The following PSMA1 variants were observed in gnomAD, a reference collection of about 807,000 sequenced individuals.
PSMA1 encodes proteasome subunit alpha type-1.
Under a neutral mutation model 38.4 loss-of-function variants are expected in PSMA1, and 3 were observed. That is an observed-to-expected ratio of 0.08 (90% CI 0.04 to 0.20). The LOEUF is 0.20. Ranked by LOEUF, PSMA1 falls within the 10% of genes least tolerant of loss-of-function variation. The probability of loss-of-function intolerance (pLI) is 1.00; values close to 1 mark genes in which losing one functional copy is unlikely to be tolerated. For missense variants in PSMA1, 227 were observed against 325.3 expected (o/e 0.70, Z 2.32); for synonymous variants, 101 against 107.1 (o/e 0.94, Z 0.35).
intron 2 of PSMA1, among the ~76,000 whole-genome samples, chr11:14,539,803 T>A (rs1357684934): frequency 1.3e-5 from 2 of 151,506 alleles, no homozygotes; most frequent in Non-Finnish European, 2.9e-5. Context: ...GAGCCGAGAT[T>A]GCGCCACTGC....
intron 2 of PSMA1, among the ~76,000 whole-genome samples, chr11:14,585,652 A>G (rs975199279): frequency 1.3e-5 from 2 of 152,174 alleles, no homozygotes; most frequent in Admixed American, 6.5e-5. Flanking sequence ...TGGAGGCCTC[A>G]TCTCTGATAG....
chr11:14,537,749 C>T (rs896776530), intron 2 of PSMA1, among the ~76,000 whole-genome samples: 1 of 147,318 alleles, frequency 6.8e-6, no homozygotes, highest in African/African-American at 2.5e-5. Context: ...CACTTTGTCA[C>T]CCAGGCTGGA....
intron 2 of PSMA1, among the ~76,000 whole-genome samples, chr11:14,585,631 A>G (rs1478199510): frequency 6.6e-6 from 1 of 152,184 alleles, no homozygotes; most frequent in Non-Finnish European, 1.5e-5. Context: ...AAAGCACATA[A>G]AAGTCTAGCC....
At chr11:14,520,531 T>A (rs1463356156), upstream of PSMA1, 2 of 1,389,120 alleles carry the variant, frequency 1.4e-6, no homozygotes, top group Non-Finnish European at 1.9e-6. Flanking sequence ...GAACTGAGAC[T>A]GGCGGGAAAA....
At chr11:14,544,274 C>G (rs555723304) in intron 2 of PSMA1, among the ~76,000 whole-genome samples, 8 of 152,198 alleles carry the variant, frequency 5.3e-5, no homozygotes, top group African/African-American at 1.7e-4. Context: ...GCTCAAGCAA[C>G]CCGCCCGCCT....
intron 1 of PSMA1, among the ~76,000 whole-genome samples, chr11:14,627,505 C>T (rs1852928249): frequency 6.6e-6 from 1 of 152,160 alleles, no homozygotes; most frequent in African/African-American, 2.4e-5. Context: ...TAACGGAAAG[C>T]ACATAGAGCT....
intron 2 of PSMA1, among the ~76,000 whole-genome samples, chr11:14,530,590 G>C (rs555811421): frequency 6.6e-6 from 1 of 152,092 alleles, no homozygotes; most frequent in African/African-American, 2.4e-5. Flanking sequence ...ACACTGACTC[G>C]ATGCTCAATA....
chr11:14,564,750 A>G (rs555831743), intron 2 of PSMA1, among the ~76,000 whole-genome samples: 1 of 151,442 alleles, frequency 6.6e-6, no homozygotes, highest in Non-Finnish European at 1.5e-5. Context: ...AATTTCTTTA[A>G]TAGTTATAGT....
chr11:14,530,888 CAA>C, intron 2 of PSMA1, among the ~76,000 whole-genome samples: 1 of 100,524 alleles, frequency 9.9e-6, no homozygotes, highest in East Asian at 2.9e-4. Flanking sequence ...GGCGACAGGT[CAA>C]GACTCCGTCT....
chr11:14,508,412 T>C (rs1346078207), intron 8 of PSMA1, among the ~76,000 whole-genome samples: 1 of 152,080 alleles, frequency 6.6e-6, no homozygotes, highest in African/African-American at 2.4e-5. Context: ...GACATTGTTC[T>C]AACAATTTTC....
At chr11:14,551,295 T>G (rs1851881168) in intron 2 of PSMA1, among the ~76,000 whole-genome samples, 1 of 152,194 alleles carries the variant, frequency 6.6e-6, no homozygotes, top group South Asian at 2.1e-4. Context: ...ACAGGAAGGC[T>G]AACCCAAAAG....
chr11:14,606,932 C>G (rs1294407076), intron 2 of PSMA1, among the ~76,000 whole-genome samples: 4 of 152,172 alleles, frequency 2.6e-5, no homozygotes, highest in Non-Finnish European at 4.4e-5. Context: ...CACATAGCCC[C>G]AGGCATACAG....
intron 2 of PSMA1, among the ~76,000 whole-genome samples, chr11:14,595,491 C>G (rs924679371): frequency 2.6e-5 from 4 of 152,236 alleles, no homozygotes; most frequent in Non-Finnish European, 4.4e-5. Flanking sequence ...ATTTGCATTT[C>G]TCTGATGACC....
chr11:14,596,680 T>C (rs1405229780), intron 2 of PSMA1, among the ~76,000 whole-genome samples: 1 of 152,244 alleles, frequency 6.6e-6, no homozygotes, highest in African/African-American at 2.4e-5. Context: ...TACAATCATG[T>C]CATCTGCAAA....
chr11:14,561,871 C>CTA (rs1852013917), intron 2 of PSMA1, among the ~76,000 whole-genome samples: 1 of 148,216 alleles, frequency 6.7e-6, no homozygotes, highest in African/African-American at 2.5e-5. Context: ...AAACTATAAA[C>CTA]TAAACGAAAT....
chr11:14,587,032 T>C (rs182164191), intron 2 of PSMA1, among the ~76,000 whole-genome samples: 2 of 152,316 alleles, frequency 1.3e-5, no homozygotes, highest in East Asian at 3.9e-4. Flanking sequence ...TCTCTTTCTT[T>C]TGAATTTACT....
intron 1 of PSMA1, among the ~76,000 whole-genome samples, chr11:14,633,844 G>A (rs553874121): frequency 1.6e-4 from 25 of 152,258 alleles, no homozygotes; most frequent in Middle Eastern, 6.8e-3. Flanking sequence ...CTCGTGATGC[G>A]CCGTTTTTTA....
chr11:14,545,049 T>TA (rs896231351), intron 2 of PSMA1, among the ~76,000 whole-genome samples: 9 of 152,208 alleles, frequency 5.9e-5, no homozygotes, highest in Admixed American at 5.9e-4. Flanking sequence ...GAGTAACAGC[T>TA]AATGGGTTTC....
chr11:14,513,451 T>C (rs1241900914), intron 7 of PSMA1, 119 bp downstream of exon 7: 18 of 1,135,488 alleles, frequency 1.6e-5, no homozygotes, highest in Non-Finnish European at 5.6e-6. Flanking sequence ...CATAATTTTT[T>C]TTAAAAAAAT....
Sources: allele counts gnomAD v4.1 joint callset (sites outside exome capture counted in the v4.1 genomes callset), GRCh38; gene constraint gnomAD v4.1.1; transcripts MANE v1.5; gene names NCBI Gene and HGNC (gene_info 2026-07-23, HGNC 2026-07-21).